The following PBX1 variants were observed in gnomAD, a reference collection of about 807,000 sequenced individuals.
The protein encoded by PBX1 is PBX homeobox 1.
Under a neutral mutation model 53.4 loss-of-function variants are expected in PBX1, and 6 were observed. The ratio of observed to expected loss-of-function variants is 0.11; its 90% CI spans 0.06 to 0.22. PBX1 has a LOEUF of 0.22. Ranked by LOEUF, PBX1 falls within the 10% of genes least tolerant of loss-of-function variation. PBX1 has a pLI of 1.00. For missense variants in PBX1, 251 were observed against 551.4 expected (o/e 0.46, Z 5.46); for synonymous variants, 204 against 212.3 (o/e 0.96, Z 0.34).
chr1:164,737,131 C>T (rs1223995770), intron 2 of PBX1, among the ~76,000 whole-genome samples: 1 of 152,134 alleles, frequency 6.6e-6, no homozygotes, highest in Non-Finnish European at 1.5e-5. Flanking sequence ...AGAAGTCCGC[C>T]CATTTTCTCA....
chr1:164,684,247 G>A (rs1230314595), intron 2 of PBX1: 1 of 152,116 alleles, frequency 6.6e-6, no homozygotes, highest in Non-Finnish European at 1.5e-5. Context: ...CATTTTGTAG[G>A]TATATCTGTA....
chr1:164,671,854 G>A (rs1452326210), intron 2 of PBX1, among the ~76,000 whole-genome samples: 1 of 152,108 alleles, frequency 6.6e-6, no homozygotes, highest in African/African-American at 2.4e-5. Context: ...CCAACTGGGA[G>A]CTCATCAGAC....
chr1:164,582,556 G>A (rs1654687207), intron 2 of PBX1, among the ~76,000 whole-genome samples: 1 of 151,728 alleles, frequency 6.6e-6, no homozygotes, highest in African/African-American at 2.4e-5. Context: ...CCGAGTAGCT[G>A]GGATTACAGG....
At chr1:164,800,863 G>A (rs1653192464) in intron 4 of PBX1, among the ~76,000 whole-genome samples, 1 of 152,054 alleles carries the variant, frequency 6.6e-6, no homozygotes, top group Admixed American at 6.5e-5. Context: ...ATATGTCAGG[G>A]TCAGTGTACC....
At chr1:164,734,537 A>G (rs1665166038) in intron 2 of PBX1, among the ~76,000 whole-genome samples, 1 of 152,142 alleles carries the variant, frequency 6.6e-6, no homozygotes, top group Admixed American at 6.6e-5. Flanking sequence ...CCATATATGA[A>G]ATGGATATAA....
chr1:164,870,408 G>A (rs542822725), intron 2 of PBX1, among the ~76,000 whole-genome samples: 3 of 149,240 alleles, frequency 2.0e-5, no homozygotes, highest in Admixed American at 6.8e-5. Context: ...GCAGTGGCAC[G>A]ATCTTAGCTC....
intron 2 of PBX1, among the ~76,000 whole-genome samples, chr1:164,708,392 T>A (rs560449288): frequency 4.0e-4 from 56 of 141,114 alleles, no homozygotes; most frequent in African/African-American, 1.4e-3. Context: ...TTAAAAAAAA[T>A]ATTTTCTTTT....
intron 2 of PBX1, among the ~76,000 whole-genome samples, chr1:164,724,120 G>T (rs1224352870): frequency 5.3e-5 from 8 of 152,176 alleles, no homozygotes; most frequent in Admixed American, 4.6e-4. Flanking sequence ...GGCCCCAAAA[G>T]AATGTTGTTT....
intron 2 of PBX1, among the ~76,000 whole-genome samples, chr1:164,876,530 C>A (rs1392855196): frequency 6.6e-6 from 1 of 151,206 alleles, no homozygotes; most frequent in Admixed American, 6.6e-5. Context: ...CAGGGCTAAT[C>A]TATAAGTGGG....
At chr1:164,613,017 A>T (rs1049691320) in intron 2 of PBX1, among the ~76,000 whole-genome samples, 6 of 152,210 alleles carry the variant, frequency 3.9e-5, no homozygotes, top group Admixed American at 2.6e-4. Flanking sequence ...AGTGTGTGGC[A>T]CCCAGGGATC....
rs182990870 is a variant in PBX1 at position 164,777,488 on chromosome 1, A to G, written c.266-15006A>G. Among the ~76,000 whole-genome samples the G allele has an allele frequency of 2.0e-3, 301 of 152,342 alleles. 1 individual carries two copies. The highest frequency in any genetic ancestry group is 3.4e-3 in the Middle Eastern group (1 of 294). Reference sequence around the variant, plus strand: ...GAGATGAACAGCAAGGCTGCATTCCAGAGACTCTGACCATAAAGCTAAACT... The same window carrying G: ...GAGATGAACAGCAAGGCTGCATTCCGGAGACTCTGACCATAAAGCTAAACT... On this transcript the variant is annotated intron_variant, in intron 2 of 8. Transcript: ENST00000420696.
intron 7 of PBX1, among the ~76,000 whole-genome samples, 197 bp from the exon 8 acceptor site, chr1:164,821,340 A>C (rs1274214984): frequency 6.6e-6 from 1 of 152,020 alleles, no homozygotes; most frequent in Non-Finnish European, 1.5e-5. Flanking sequence ...CGTCTTGCTT[A>C]CTGAACTCAG....
chr1:164,709,587 G>C (rs189568104), intron 2 of PBX1, among the ~76,000 whole-genome samples: 5 of 151,834 alleles, frequency 3.3e-5, no homozygotes, highest in Non-Finnish European at 7.4e-5. Flanking sequence ...GACATTTCAC[G>C]CAGACCACCC....
At chr1:164,585,381 G>C (rs911959647) in intron 2 of PBX1, among the ~76,000 whole-genome samples, 1 of 152,200 alleles carries the variant, frequency 6.6e-6, no homozygotes, top group African/African-American at 2.4e-5. Context: ...TGAGTAAGGA[G>C]TAGTGAGAAA....
At chr1:164,747,457 G>C (rs1189347005) in intron 2 of PBX1, among the ~76,000 whole-genome samples, 1 of 152,018 alleles carries the variant, frequency 6.6e-6, no homozygotes, top group African/African-American at 2.4e-5. Context: ...GCCTGTTATG[G>C]ATGTAACATA....
chr1:164,764,897 G>T (rs1254244330), intron 2 of PBX1, among the ~76,000 whole-genome samples: 1 of 152,120 alleles, frequency 6.6e-6, no homozygotes, highest in African/African-American at 2.4e-5. Flanking sequence ...GACTTCCAAA[G>T]ATAATATTCT....
rs148892713 is a variant in PBX1 at position 164,808,089 on chromosome 1, AGTT to A, written c.837+416_837+418del. ...ACTTTAAGAGTCAGTGAATGGAACT[AGTT>A]GTTATATAGCCTTTTAAATGAAAGA... is the stretch of plus-strand genomic sequence containing the variant. On this transcript the variant is annotated intron_variant, in intron 5 of 8. Transcript: ENST00000420696. Among the ~76,000 whole-genome samples the A allele has an allele frequency of 3.1e-3, 474 of 152,312 alleles. 5 individuals carry two copies. Among genetic ancestry groups the A allele is most frequent in the African/African-American group, 0.011 (456 of 41,570 alleles).
At chr1:164,785,235 A>G (rs920712234) in intron 2 of PBX1, among the ~76,000 whole-genome samples, 1 of 152,188 alleles carries the variant, frequency 6.6e-6, no homozygotes, top group Non-Finnish European at 1.5e-5. Context: ...AGAAAACAGA[A>G]TCATCAGTCA....
intron 2 of PBX1, among the ~76,000 whole-genome samples, chr1:164,690,622 C>A (rs1199231400): frequency 7.6e-6 from 1 of 132,162 alleles, no homozygotes; most frequent in African/African-American, 3.0e-5. Flanking sequence ...AAAATTTAAG[C>A]TTTTCTTAAA....
Sources: gnomAD v4.1 joint callset for allele counts (sites outside exome capture counted in the v4.1 genomes callset) on GRCh38, gnomAD v4.1.1 for gene constraint, MANE v1.5 for transcripts, NCBI Gene and HGNC (gene_info 2026-07-23, HGNC 2026-07-21) for gene names.